MYO1A: variants seen among roughly 807,000 people sequenced by gnomAD.
MYO1A encodes myosin IA, also known as unconventional myosin-Ia.
A neutral mutation model predicts 138.5 loss-of-function variants in MYO1A; 127 were observed. The ratio of observed to expected loss-of-function variants is 0.92; its 90% confidence interval spans 0.79 to 1.06. The LOEUF is 1.06. MYO1A is among the 50% of genes least tolerant of loss of function. The probability of loss-of-function intolerance (pLI) is 0.00; values close to 1 mark genes in which losing one functional copy is unlikely to be tolerated. For synonymous variants in MYO1A, 477 were observed against 497.5 expected, an observed-to-expected ratio of 0.96 and a Z score of 0.55; for missense variants, 1,211 against 1,288.8, an observed-to-expected ratio of 0.94 and a Z score of 0.92.
chr12:57,046,646 C>T lies in MYO1A; in HGVS notation c.546G>A (p.Leu182=), dbSNP rs202179152. ...SPLGGVITNY[L]LEKSRLVKQL... Reference sequence around the variant, plus strand: ...GCTTCACTAATCGGGATTTCTCAAGCAGATCTGGCAGAGAATTAGAAAAAT... The same window carrying T: ...GCTTCACTAATCGGGATTTCTCAAGTAGATCTGGCAGAGAATTAGAAAAAT... Residue 182 remains leucine, a synonymous_variant, in exon 8 of 28, where the codon CTG becomes CTA. Transcript: ENST00000300119. 1.5e-5 allele frequency: 25 copies of T among 1,613,418 alleles called. No individual in the cohort carries two copies. The Admixed American group carries it at 4.2e-4, about 27-fold the overall frequency.
In MYO1A at chr12:57,029,740, C is replaced by G; in HGVS notation, c.2724G>C (p.Lys908Asn). Residue 908 changes from lysine to asparagine, a missense_variant and splice_region_variant, in exon 25 of 28, where the codon AAG becomes AAC. Lys to Asn is a moderately conservative substitution (Grantham distance 94). Coordinates refer to ENST00000300119, the MANE Select transcript of MYO1A (RefSeq NM_005379.4). ...AGGAGTTCAGCCTGCAGGCCCTTACCTTGCCATTGCCACGATTGACCTTCT... is the reference window on the plus strand; with the variant it reads ...AGGAGTTCAGCCTGCAGGCCCTTACGTTGCCATTGCCACGATTGACCTTCT... Reference protein sequence around the residue: ...AVKKVNRGNGKTSSRILLLTK... With the variant: ...AVKKVNRGNGNTSSRILLLTK... The G allele has an allele frequency of 6.2e-7, 1 of 1,614,230 alleles. No homozygotes were observed.
At position 57,044,216 on chromosome 12, in the gene MYO1A, G is replaced by C. The variant is rs1164242755; in HGVS notation, c.641-7C>G. The stretch of plus-strand genomic sequence containing the variant: ...CGCTCAAGCTTCAGGGCCTCTGGGA[G>C]GGCCAGTGTTGGGGAAGATGGTTAG... On this transcript the variant is annotated splice_region_variant and splice_polypyrimidine_tract_variant and intron_variant, in intron 8 of 27. Coordinates refer to ENST00000300119, the MANE Select transcript of MYO1A (RefSeq NM_005379.4). 1.2e-6 allele frequency: 2 copies of C among 1,612,396 alleles called. No individual in the cohort carries two copies. Among genetic ancestry groups the C allele is most frequent in the South Asian group, 1.1e-5 (1 of 90,828 alleles).
chr12:57,048,076 A>C lies in MYO1A; in HGVS notation c.143T>G (p.Val48Gly), dbSNP rs759199796. The C allele has an allele frequency of 1.2e-6, 2 of 1,614,166 alleles. No individual in the cohort carries two copies. The change falls in exon 3 of 28, where the codon GTG (valine) becomes GGG (glycine). Residue 48 changes from valine to glycine, a missense_variant. Physicochemically the swap from Val to Gly is moderately radical, Grantham distance 109. Coordinates refer to ENST00000300119, the MANE Select transcript of MYO1A (RefSeq NM_005379.4). ...GATGGGAAGCTGTTGATAGGGATTC[A>C]CTGAGATCACCACATTCCCAATGTA... ...YTYIGNVVIS[V>G]NPYQQLPIYG...
At chr12:57,042,402 G>A (rs528920558) in intron 12 of MYO1A, among the ~76,000 whole-genome samples, 1 of 152,236 alleles carries the variant, frequency 6.6e-6, no homozygotes, top group East Asian at 1.9e-4. Flanking sequence ...GGACATTTGG[G>A]CTGTTTCTAC....
intron 22 of MYO1A, among the ~76,000 whole-genome samples, chr12:57,031,736 C>T (rs767766400): frequency 2.4e-4 from 37 of 152,322 alleles, no homozygotes; most frequent in African/African-American, 4.8e-5. Context: ...TCCAGACCCT[C>T]GAACAACAAA....
At chr12:57,044,783 T>C (rs2031021872) in intron 8 of MYO1A, among the ~76,000 whole-genome samples, 1 of 152,194 alleles carries the variant, frequency 6.6e-6, no homozygotes, top group African/African-American at 2.4e-5. Context: ...AAAACCCTCA[T>C]TTTACTCTTC....
chr12:57,034,755 G>A (rs1052157572), intron 22 of MYO1A, among the ~76,000 whole-genome samples: 1 of 152,132 alleles, frequency 6.6e-6, no homozygotes, highest in Non-Finnish European at 1.5e-5. Flanking sequence ...GGTCACTTGA[G>A]GTCAGGAGTT....
At chr12:57,043,784 T>C in intron 10 of MYO1A, 72 bp downstream of exon 10, 1 of 1,599,456 alleles carries the variant, frequency 6.3e-7, no homozygotes, top group Non-Finnish European at 8.5e-7. Flanking sequence ...ATGCTAGAGA[T>C]GGTAGAAGGA....
rs1391247431 is a variant in MYO1A at position 57,030,244 on chromosome 12, G to T, written c.2557C>A (p.Leu853Met). The stretch of plus-strand genomic sequence containing the variant: ...TATGAAGCCTTCTTGCCCTTGAACA[G>T]TTCACTGGCACAGAGCTTTTCCCTC... ...ILREKLCASELFKGKKASYPQ... is the reference protein window; with the variant it reads ...ILREKLCASEMFKGKKASYPQ... The change falls in exon 24 of 28, where the codon CTG becomes ATG. Residue 853 changes from leucine (L) to methionine (M), a missense_variant. Transcript: ENST00000300119. 1.9e-6 allele frequency: 3 copies of T among 1,614,094 alleles called. No individual in the cohort carries two copies. Among genetic ancestry groups the T allele is most frequent in the Non-Finnish European group, 2.5e-6 (3 of 1,180,036 alleles).
Position 57,037,879 on chromosome 12 carries a change from C to G in MYO1A, c.1951G>C (p.Gly651Arg), listed in dbSNP as rs202083321. The G allele has an allele frequency of 6.8e-6, 11 of 1,614,006 alleles. No homozygotes were observed. In the African/African-American group the frequency reaches 1.3e-4, roughly 20 times the overall value. ...CCCATGGGGTCTTACCGGTCTCCCC[C>G]ATTCCAGTGAGGCCAGGTGCTCCGG... Reference protein sequence around the residue: ...LSRSTWPHWNGGDREGVEKVL... With the variant: ...LSRSTWPHWNRGDREGVEKVL... Residue 651 changes from glycine (G) to arginine (R), a missense_variant, in exon 18 of 28, where the codon GGG (glycine) becomes CGG (arginine). Gly to Arg is a moderately radical substitution (Grantham distance 125). Coordinates refer to ENST00000300119, the MANE Select transcript of MYO1A (RefSeq NM_005379.4).
At chr12:57,041,527 A>G (rs1347658679) in intron 12 of MYO1A, 30 bp from the exon 13 acceptor site, 5 of 1,590,232 alleles carry the variant, frequency 3.1e-6, no homozygotes, top group Non-Finnish European at 4.3e-6. Flanking sequence ...AAATCTGAGG[A>G]CAGGCCCCCT....
intron 22 of MYO1A, among the ~76,000 whole-genome samples, chr12:57,035,228 ATC>A (rs1258022337): frequency 6.6e-6 from 1 of 152,184 alleles, no homozygotes; most frequent in African/African-American, 2.4e-5. Flanking sequence ...TAACAGCAAA[ATC>A]AGATTACAGG....
chr12:57,041,480 C>T lies in MYO1A; in HGVS notation c.1116G>A (p.Lys372=), dbSNP rs563504561. 1.2e-6 allele frequency: 2 copies of T among 1,613,776 alleles called. No homozygotes were observed. The highest frequency in any genetic ancestry group is 4.5e-5 in the East Asian group (2 of 44,882). The change falls in exon 13 of 28, where the codon AAG becomes AAA. Residue 372 remains lysine (K), a synonymous_variant. Transcript: ENST00000300119. ...TATCAAGGACTCCCATTACCTTCTT[C>T]TTTTCCCCGATGCCCACCTGAAGAG... The part of the protein sequence containing the change: ...NESIKVGIGE[K]KKVMGVLDIY...
chr12:57,029,367 G>A, intron 26 of MYO1A, 68 bp downstream of exon 26: 2 of 1,613,388 alleles, frequency 1.2e-6, no homozygotes, highest in South Asian at 1.1e-5. Context: ...ATCACCTCCA[G>A]CCTGCCCCAG....
intron 22 of MYO1A, among the ~76,000 whole-genome samples, chr12:57,032,554 A>T (rs1324182259): frequency 1.3e-5 from 2 of 152,202 alleles, no homozygotes; most frequent in Non-Finnish European, 2.9e-5. Flanking sequence ...ATGGTGGCGC[A>T]TGCCTGTAAT....
rs1659572911 is a variant in MYO1A, at chr12:57,038,819, T to C, written c.1523A>G (p.Tyr508Cys). The C allele has an allele frequency of 1.2e-6, 2 of 1,614,150 alleles. No individual in the cohort carries two copies. The highest frequency in any genetic ancestry group is 1.1e-5 in the South Asian group (1 of 91,076). The change falls in exon 16 of 28, where the codon TAT (tyrosine) becomes TGT (cysteine). Residue 508 changes from tyrosine (Y) to cysteine (C), a missense_variant. Physicochemically the swap from Tyr to Cys is radical, Grantham distance 194. Transcript: ENST00000300119. ...GCCCTGCCATTTCACCTTGCCCGCA[T>C]AGTGGCAGATGCGGAAGCAGCTGAG... The part of the protein sequence containing the change: ...MGLSCFRICH[Y>C]AGKVTYNVTS...
intron 22 of MYO1A, among the ~76,000 whole-genome samples, chr12:57,034,625 G>A (rs984152272): frequency 6.6e-6 from 1 of 152,020 alleles, no homozygotes; most frequent in Non-Finnish European, 1.5e-5. Context: ...AGTGAGCCGA[G>A]ATCATGCTTG....
At chr12:57,047,215 A>G in intron 5 of MYO1A, 88 bp downstream of exon 5, 1 of 1,579,628 alleles carries the variant, frequency 6.3e-7, no homozygotes, top group Non-Finnish European at 8.7e-7. Flanking sequence ...AAGAGAGGTG[A>G]TTTTGCAGCA....
chr12:57,032,444 G>T (rs919609218), intron 22 of MYO1A, among the ~76,000 whole-genome samples: 1 of 152,154 alleles, frequency 6.6e-6, no homozygotes, highest in Non-Finnish European at 1.5e-5. Flanking sequence ...TCAGATAATG[G>T]CATCTGCTGT....
Sources: gnomAD v4.1 joint callset for allele counts (sites outside exome capture counted in the v4.1 genomes callset) on GRCh38, gnomAD v4.1.1 for gene constraint, MANE v1.5 for transcripts, NCBI Gene and HGNC (gene_info 2026-07-23, HGNC 2026-07-21) for gene names.